The following UGT3A1 variants were observed in gnomAD, a reference collection of about 807,000 sequenced individuals.
The protein encoded by UGT3A1 is UDP-glycosyltransferase 3A1.
UGT3A1 carries 40 observed loss-of-function variants against 37.6 expected under a neutral mutation model. The ratio of observed to expected loss-of-function variants is 1.06; its 90% CI spans 0.83 to 1.38. The LOEUF is 1.38. Among genes scored for constraint, UGT3A1 ranks in the 40% most tolerant of loss-of-function variants. UGT3A1 has a pLI of 0.00. For missense variants in UGT3A1, 642 were observed against 634.2 expected (o/e 1.01, Z -0.13); for synonymous variants, 256 against 232.3 (o/e 1.10, Z -0.93).
In UGT3A1 at chr5:35,955,665, T is replaced by C. The variant is rs1193484410; in HGVS notation, c.1275A>G (p.Lys425=). 2 of 1,614,202 alleles carry C rather than the reference T, an allele frequency of 1.2e-6. No individual in the cohort carries two copies. Among genetic ancestry groups the C allele is most frequent in the Admixed American group, 3.3e-5 (2 of 60,016 alleles). ...CATACCTCTTGTCTTCTATGACTTG[T>C]TTCATTGTAAGTGTCAGTGTGTCGG... ...VTADTLTLTM[K]QVIEDKRYKS... The change falls in exon 6 of 7, where the codon AAA becomes AAG. Residue 425 remains lysine, a synonymous_variant. Coordinates refer to ENST00000274278, the MANE Select transcript of UGT3A1 (RefSeq NM_152404.4).
upstream of UGT3A1, among the ~76,000 whole-genome samples, chr5:35,994,333 T>TTTGTTTGTG (rs1368444490): frequency 1.7e-4 from 24 of 138,634 alleles, no homozygotes; most frequent in Admixed American, 1.5e-3. Context: ...TTTGTTTTGT[T>TTTGTTTGTG]TGTGTGTGTG....
intron 4 of UGT3A1, 143 bp downstream of exon 4, chr5:35,965,243 C>T (rs553497968): frequency 4.7e-6 from 6 of 1,284,746 alleles, no homozygotes; most frequent in Admixed American, 5.4e-5. Context: ...TGAAAGTCAG[C>T]ACTTCCTTTA....
intron 4 of UGT3A1, chr5:35,961,882 T>G (rs1739601958): frequency 6.6e-6 from 1 of 152,188 alleles, no homozygotes; most frequent in Non-Finnish European, 1.5e-5. Context: ...TCTTAGCCTC[T>G]CCAAGAAGGC....
At chr5:35,967,318 G>C (rs1281568722) in intron 3 of UGT3A1, among the ~76,000 whole-genome samples, 2 of 152,186 alleles carry the variant, frequency 1.3e-5, no homozygotes, top group Non-Finnish European at 1.5e-5. Flanking sequence ...TGACTACTGA[G>C]TAGAATTTTC....
chr5:35,985,598 T>C (rs1344054522), intron 2 of UGT3A1, among the ~76,000 whole-genome samples: 2 of 152,166 alleles, frequency 1.3e-5, no homozygotes, highest in Non-Finnish European at 2.9e-5. Flanking sequence ...GAACATATAA[T>C]GAGGAAAGGA....
At chr5:35,957,133 C>G in intron 5 of UGT3A1, 55 bp downstream of exon 5, 2 of 1,490,556 alleles carry the variant, frequency 1.3e-6, no homozygotes, top group Non-Finnish European at 1.9e-6. Flanking sequence ...AGAACACTGA[C>G]GAGCACCAAA....
chr5:35,964,043 T>C (rs1300614179), intron 4 of UGT3A1, among the ~76,000 whole-genome samples: 1 of 152,204 alleles, frequency 6.6e-6, no homozygotes, highest in Non-Finnish European at 1.5e-5. Flanking sequence ...CGATAGTTAG[T>C]TGCACAACAA....
chr5:35,980,922 T>C (rs1740496559), intron 2 of UGT3A1, among the ~76,000 whole-genome samples: 1 of 152,182 alleles, frequency 6.6e-6, no homozygotes, highest in Non-Finnish European at 1.5e-5. Flanking sequence ...TGAATTGAAA[T>C]CAGGGATTTC....
At chr5:35,976,074 C>T (rs1002205187) in intron 2 of UGT3A1, among the ~76,000 whole-genome samples, 2 of 152,150 alleles carry the variant, frequency 1.3e-5, no homozygotes, top group African/African-American at 4.8e-5. Context: ...CCTGTTCCTG[C>T]AGCCTTATGC....
chr5:35,999,246 A>C (rs1172357152), intron 1 of UGT3A1, among the ~76,000 whole-genome samples: 3 of 151,856 alleles, frequency 2.0e-5, no homozygotes, highest in Non-Finnish European at 2.9e-5. Context: ...CAAAAAAAAA[A>C]AAAAAAATGT....
At chr5:35,972,709 C>A (rs1415596304) in intron 2 of UGT3A1, among the ~76,000 whole-genome samples, 1 of 152,016 alleles carries the variant, frequency 6.6e-6, no homozygotes, top group Non-Finnish European at 1.5e-5. Context: ...TACTCCTAAG[C>A]AAATGCTTCT....
At chr5:35,978,773 G>A (rs1402497069) in intron 2 of UGT3A1, among the ~76,000 whole-genome samples, 1 of 152,040 alleles carries the variant, frequency 6.6e-6, no homozygotes, top group Non-Finnish European at 1.5e-5. Context: ...ACTCATTTCA[G>A]CATTAACTCA....
intron 1 of UGT3A1, among the ~76,000 whole-genome samples, chr5:36,000,046 T>A (rs1217853478): frequency 6.6e-6 from 1 of 152,176 alleles, no homozygotes; most frequent in Non-Finnish European, 1.5e-5. Context: ...AACATTTCCA[T>A]TGTGTCTACC....
Position 35,953,026 on chromosome 5 carries a change from G to C in UGT3A1, c.*1176C>G, listed in dbSNP as rs1342601896. The C allele has an allele frequency of 6.6e-6, 1 of 152,240 alleles. No homozygotes were observed. The highest frequency in any genetic ancestry group is 1.9e-4 in the East Asian group (1 of 5,318). The allele number at this position is 152,240 out of a possible 1,614,324, so 9.4% of individuals were successfully genotyped here. A position where few individuals can be genotyped will look rare whatever the true frequency, so the allele number is the denominator to read the frequency against. On this transcript the variant is annotated 3_prime_UTR_variant, in exon 7 of 7. Transcript: ENST00000274278. ...TAGAATTAAACAATCTAAAACTATG[G>C]TTCATCCAGGGCCTCTCCATATGCC...
At chr5:35,998,996 G>C (rs553537832) in intron 1 of UGT3A1, among the ~76,000 whole-genome samples, 1 of 152,014 alleles carries the variant, frequency 6.6e-6, no homozygotes, top group Non-Finnish European at 1.5e-5. Flanking sequence ...CAGCACTTTC[G>C]GAGGCCAAGG....
chr5:35,996,114 A>G (rs1017409852), upstream of UGT3A1, among the ~76,000 whole-genome samples: 10 of 152,130 alleles, frequency 6.6e-5, no homozygotes, highest in African/African-American at 2.4e-4. Flanking sequence ...AGCCCCAGAA[A>G]GACTTTAAGC....
chr5:35,965,308 A>G (rs1739752771), intron 4 of UGT3A1, 78 bp downstream of exon 4: 1 of 1,540,182 alleles, frequency 6.5e-7, no homozygotes, highest in Non-Finnish European at 8.7e-7. Context: ...TCAGGATCCC[A>G]CTGGCAGGTG....
intron 2 of UGT3A1, among the ~76,000 whole-genome samples, chr5:35,982,310 C>A (rs74845566): frequency 5.9e-5 from 9 of 152,330 alleles, no homozygotes; most frequent in Non-Finnish European, 1.3e-4. Context: ...AGGCACTCAA[C>A]AACAGATCAT....
At chr5:35,962,810 C>A in intron 4 of UGT3A1, 1 of 689,834 alleles carries the variant, frequency 1.4e-6, no homozygotes, top group South Asian at 1.5e-5. Flanking sequence ...TTCTGAGGGT[C>A]AAAGCAGACT....
Sources: allele counts gnomAD v4.1 joint callset (sites outside exome capture counted in the v4.1 genomes callset), GRCh38; gene constraint gnomAD v4.1.1; transcripts MANE v1.5; gene names NCBI Gene and HGNC (gene_info 2026-07-23, HGNC 2026-07-21).